Variants in VWA8 observed in about 807,000 individuals in gnomAD.
The protein encoded by VWA8 is von Willebrand factor A domain-containing protein 8.
In VWA8, 221 loss-of-function variants were observed where a neutral mutation model predicts 241.5. The observed-to-expected ratio is 0.91, with a 90% CI of 0.82 to 1.02. The LOEUF is 1.02. VWA8 is among the 50% of genes least tolerant of loss of function. The pLI is 0.00. For missense variants in VWA8, 2,322 were observed against 2,328.7 expected (o/e 1.00, Z 0.06); for synonymous variants, 852 against 827.1 (o/e 1.03, Z -0.52).
At chr13:41,861,505 C>T (rs914554592) in intron 12 of VWA8, among the ~76,000 whole-genome samples, 1 of 152,102 alleles carries the variant, frequency 6.6e-6, no homozygotes, top group Non-Finnish European at 1.5e-5. Context: ...GGAAGTCAAG[C>T]TATCTTTCTT....
At chr13:41,585,238 T>C (rs1309338313) in intron 42 of VWA8, among the ~76,000 whole-genome samples, 1 of 152,192 alleles carries the variant, frequency 6.6e-6, no homozygotes, top group Non-Finnish European at 1.5e-5. Flanking sequence ...TACACTCGGC[T>C]GCGTGAGATG....
chr13:41,763,063 T>G (rs559942524), intron 20 of VWA8, among the ~76,000 whole-genome samples: 2 of 151,376 alleles, frequency 1.3e-5, no homozygotes, highest in African/African-American at 4.8e-5. Context: ...AGCCCAGGAG[T>G]TCCAGATCAG....
chr13:41,706,048 C>T (rs1218259041), intron 26 of VWA8, among the ~76,000 whole-genome samples: 1 of 152,024 alleles, frequency 6.6e-6, no homozygotes, highest in Non-Finnish European at 1.5e-5. Context: ...TGGTTGATAC[C>T]TAGCCTAAAA....
At chr13:41,893,936 G>A (rs1048265180) in intron 4 of VWA8, among the ~76,000 whole-genome samples, 12 of 151,970 alleles carry the variant, frequency 7.9e-5, no homozygotes, top group African/African-American at 1.2e-4. Context: ...GCTTTTGCTC[G>A]CAAAAATATA....
intron 44 of VWA8, among the ~76,000 whole-genome samples, chr13:41,569,094 C>CTTTGGAATGACATTTAATAA (rs2044282928): frequency 6.6e-6 from 1 of 151,036 alleles, no homozygotes; most frequent in Non-Finnish European, 1.5e-5. Context: ...TGAAGTCTGG[C>CTTTGGAATGACATTTAATAA]TTTGGAATGA....
rs2045019442 is a variant in VWA8 at position 41,671,069 on chromosome 13, T to C, written c.4488A>G (p.Lys1496=). ...DTDALLAEWD[K]SGVVTVDMGG... ...CCATATCAACAGTAACAACACCGCT[T>C]TTGTCCCACTCAGCCAGCAGTGCAT... Residue 1496 remains lysine (K), a synonymous_variant, in exon 37 of 45, where the codon AAA becomes AAG. Transcript: ENST00000379310. 2 of 1,613,934 alleles carry C rather than the reference T, an allele frequency of 1.2e-6. No individual in the cohort carries two copies. Among genetic ancestry groups the C allele is most frequent in the Non-Finnish European group, 1.7e-6 (2 of 1,179,888 alleles).
intron 12 of VWA8, among the ~76,000 whole-genome samples, chr13:41,834,655 T>C (rs1871635204): frequency 6.6e-6 from 1 of 152,180 alleles, no homozygotes; most frequent in South Asian, 2.1e-4. Flanking sequence ...AGTTCAACCA[T>C]TGTGGAAGAC....
intron 7 of VWA8, 103 bp downstream of exon 7, chr13:41,886,678 G>T: frequency 1.0e-6 from 1 of 988,650 alleles, no homozygotes; most frequent in South Asian, 1.5e-5. Context: ...ATTCTTATAA[G>T]AATTCTAGTT....
chr13:41,833,467 C>G lies in VWA8; in HGVS notation c.1490G>C (p.Arg497Pro). 2 of 1,613,902 alleles carry G rather than the reference C, an allele frequency of 1.2e-6. No individual in the cohort carries two copies. The highest frequency in any genetic ancestry group is 1.7e-6 in the Non-Finnish European group (2 of 1,179,936). The change falls in exon 13 of 45, where the codon CGG (arginine) becomes CCG (proline). Residue 497 changes from arginine to proline, a missense_variant. Arg to Pro is a moderately radical substitution (Grantham distance 103). Transcript: ENST00000379310. ...YTLPNGDTAW[R>P]SSPLVNAALE... ...AGCAGCATTCACAAGGGGTGAGGAC[C>G]GCCAGGCAGTGTCTCCATTTGGAAG... is the stretch of plus-strand genomic sequence containing the variant.
intron 29 of VWA8, among the ~76,000 whole-genome samples, chr13:41,697,781 C>A (rs935313950): frequency 6.6e-6 from 1 of 152,150 alleles, no homozygotes; most frequent in African/African-American, 2.4e-5. Flanking sequence ...TACTGGTCTG[C>A]GGCCTGGGAG....
At chr13:41,874,539 T>C (rs942339669) in intron 9 of VWA8, among the ~76,000 whole-genome samples, 6 of 152,044 alleles carry the variant, frequency 3.9e-5, no homozygotes, top group South Asian at 2.1e-4. Context: ...TATACACCAA[T>C]AACAGACAAA....
At chr13:41,872,127 T>A (rs936759007) in intron 9 of VWA8, among the ~76,000 whole-genome samples, 2 of 152,230 alleles carry the variant, frequency 1.3e-5, no homozygotes, top group African/African-American at 4.8e-5. Context: ...TCTGTTCATG[T>A]CCTTCACCCA....
rs1324407090 is a variant in VWA8 at position 41,823,088 on chromosome 13, T to A, written c.1701-3702A>T. 3.3e-5 allele frequency among the ~76,000 whole-genome samples: 5 copies of A among 152,280 alleles called. No individual in the cohort carries two copies. The East Asian group carries it at 9.6e-4, about 29-fold the overall frequency. ...TGTTTTGAAAATCAAACACAAAGAC[T>A]TGGGCATAAAATCCTGGATCTATCT... On this transcript the variant is annotated intron_variant, in intron 14 of 44. Transcript: ENST00000379310.
intron 2 of VWA8, among the ~76,000 whole-genome samples, chr13:41,938,537 G>A (rs1392175514): frequency 6.6e-6 from 1 of 151,948 alleles, no homozygotes; most frequent in Non-Finnish European, 1.5e-5. Flanking sequence ...TGTAGTCCCA[G>A]CTACTCAGGA....
intron 26 of VWA8, among the ~76,000 whole-genome samples, chr13:41,715,692 A>G (rs1361862654): frequency 6.6e-6 from 1 of 152,024 alleles, no homozygotes; most frequent in African/African-American, 2.4e-5. Context: ...TTTGGACCTA[A>G]TTCTCTTAAA....
At chr13:41,893,813 G>A (rs1032557033) in intron 4 of VWA8, among the ~76,000 whole-genome samples, 1 of 152,106 alleles carries the variant, frequency 6.6e-6, no homozygotes, top group Non-Finnish European at 1.5e-5. Context: ...GAACCCAGGA[G>A]GCAGAGGTTG....
At chr13:41,957,726 C>A (rs1164724191) in intron 1 of VWA8, among the ~76,000 whole-genome samples, 8 of 152,120 alleles carry the variant, frequency 5.3e-5, no homozygotes, top group Non-Finnish European at 8.8e-5. Flanking sequence ...ACTTATCACT[C>A]TTCTATAATA....
At chr13:41,805,548 T>G (rs759440667) in intron 17 of VWA8, among the ~76,000 whole-genome samples, 1 of 152,080 alleles carries the variant, frequency 6.6e-6, no homozygotes, top group Non-Finnish European at 1.5e-5. Flanking sequence ...GTGCGGTGGC[T>G]CATGCCTGTA....
At chr13:41,872,533 A>C (rs1437063809) in intron 9 of VWA8, among the ~76,000 whole-genome samples, 1 of 152,166 alleles carries the variant, frequency 6.6e-6, no homozygotes, top group Non-Finnish European at 1.5e-5. Context: ...ATGGCTAGCC[A>C]GTTTTCCCAG....
Sources: gnomAD v4.1 joint callset for allele counts (sites outside exome capture counted in the v4.1 genomes callset) on GRCh38, gnomAD v4.1.1 for gene constraint, MANE v1.5 for transcripts, NCBI Gene and HGNC (gene_info 2026-07-23, HGNC 2026-07-21) for gene names.